Variants in RELN observed in about 807,000 individuals in gnomAD.
The protein encoded by RELN is reelin.
Under a neutral mutation model 427.6 loss-of-function variants are expected in RELN, and 108 were observed. The observed-to-expected ratio is 0.25, with a 90% confidence interval of 0.22 to 0.30. The LOEUF is 0.30. RELN is among the 10% of genes least tolerant of loss of function. The pLI is 1.00. For synonymous variants in RELN, 1,524 were observed against 1,513.4 expected (o/e 1.01, Z -0.16); for missense variants, 3,715 against 4,302.8 (o/e 0.86, Z 3.82).
At chr7:103,984,851 C>T (rs565392614) in intron 1 of RELN, among the ~76,000 whole-genome samples, 1 of 152,254 alleles carries the variant, frequency 6.6e-6, no homozygotes, top group South Asian at 2.1e-4. Context: ...TGGCAAATTA[C>T]TTTATTTCAA....
intron 1 of RELN, among the ~76,000 whole-genome samples, chr7:103,941,127 A>G (rs1796105425): frequency 6.6e-6 from 1 of 151,982 alleles, no homozygotes; most frequent in Non-Finnish European, 1.5e-5. Flanking sequence ...CTGACACGAG[A>G]CTGGTACAAT....
chr7:103,624,051 C>T (rs1488427908), intron 20 of RELN, among the ~76,000 whole-genome samples: 2 of 152,128 alleles, frequency 1.3e-5, no homozygotes, highest in African/African-American at 4.8e-5. Context: ...GTACTATTTT[C>T]TAGCTCTTAT....
intron 4 of RELN, among the ~76,000 whole-genome samples, chr7:103,757,523 T>C (rs962182602): frequency 3.3e-5 from 5 of 152,138 alleles, no homozygotes; most frequent in African/African-American, 1.2e-4. Context: ...CGACATAAAA[T>C]TGTCAAATGG....
At chr7:103,609,438 T>C (rs1349619385) in intron 22 of RELN, among the ~76,000 whole-genome samples, 2 of 152,118 alleles carry the variant, frequency 1.3e-5, no homozygotes, top group South Asian at 2.1e-4. Flanking sequence ...TGGAATACCA[T>C]TGAAATTAAA....
chr7:103,813,113 T>C (rs965844995), intron 3 of RELN, among the ~76,000 whole-genome samples: 13 of 152,200 alleles, frequency 8.5e-5, no homozygotes, highest in African/African-American at 3.1e-4. Flanking sequence ...ATGAGGATGT[T>C]AATGTAGATA....
intron 1 of RELN, among the ~76,000 whole-genome samples, chr7:103,920,002 C>A (rs1157975316): frequency 6.6e-6 from 1 of 152,146 alleles, no homozygotes; most frequent in Non-Finnish European, 1.5e-5. Context: ...GATAAAACTG[C>A]TGTCTACTAT....
chr7:103,483,577 C>A, intron 62 of RELN, 76 bp downstream of exon 62: 1 of 1,493,946 alleles, frequency 6.7e-7, no homozygotes, highest in Non-Finnish European at 9.3e-7. Context: ...CCAACTTCTA[C>A]CTCAAACTTT....
At chr7:103,702,957 C>G (rs1834124524) in intron 8 of RELN, among the ~76,000 whole-genome samples, 1 of 152,194 alleles carries the variant, frequency 6.6e-6, no homozygotes, top group Non-Finnish European at 1.5e-5. Context: ...ACAGTTCCTA[C>G]AGATCAAATG....
At chr7:103,905,754 G>A (rs1795190385) in intron 2 of RELN, among the ~76,000 whole-genome samples, 1 of 145,938 alleles carries the variant, frequency 6.9e-6, no homozygotes, top group Non-Finnish European at 1.5e-5. Context: ...TGTCTTCGAA[G>A]AGACTTAAAG....
intron 25 of RELN, 134 bp downstream of exon 25, chr7:103,596,322 G>C (rs910115764): frequency 1.3e-6 from 1 of 749,164 alleles, no homozygotes; most frequent in Non-Finnish European, 2.4e-6. Context: ...TTTATATACT[G>C]GGCTATCATT....
At chr7:103,700,695 T>C (rs1834071238) in intron 9 of RELN, among the ~76,000 whole-genome samples, 1 of 152,164 alleles carries the variant, frequency 6.6e-6, no homozygotes, top group African/African-American at 2.4e-5. Flanking sequence ...TAAGTACTGC[T>C]GATGGGAGGA....
At chr7:103,933,817 C>A (rs1264079135) in intron 1 of RELN, among the ~76,000 whole-genome samples, 1 of 152,124 alleles carries the variant, frequency 6.6e-6, no homozygotes. Flanking sequence ...AACCACGTGG[C>A]CTCATGCAGA....
chr7:103,621,453 A>G (rs1304832156), intron 20 of RELN, among the ~76,000 whole-genome samples: 1 of 152,190 alleles, frequency 6.6e-6, no homozygotes, highest in Non-Finnish European at 1.5e-5. Context: ...GACTTTTCCC[A>G]GTCTCCTGGA....
chr7:103,891,719 T>C (rs1345919605), intron 2 of RELN, among the ~76,000 whole-genome samples: 3 of 152,166 alleles, frequency 2.0e-5, no homozygotes, highest in Admixed American at 1.3e-4. Context: ...CCTTATCTCA[T>C]GTTACTATCT....
In RELN at chr7:103,472,318, A is replaced by C. The variant is rs544111702; in HGVS notation, c.*494T>G. ...AAATTCAGCAGCAAAATATTACAAC[A>C]TAACAAGTAAATACAGTTTCAATGT... is the stretch of plus-strand genomic sequence containing the variant. On this transcript the variant is annotated 3_prime_UTR_variant, in exon 65 of 65. Transcript: ENST00000428762. 6.0e-6 allele frequency: 1 copy of C among 167,986 alleles called. No homozygotes were observed. The highest frequency in any genetic ancestry group is 1.3e-5 in the Non-Finnish European group (1 of 76,596). The allele number at this position is 167,986 out of a possible 1,614,324, so 10.4% of individuals were successfully genotyped here.
intron 2 of RELN, among the ~76,000 whole-genome samples, chr7:103,841,171 T>A (rs1232236387): frequency 6.6e-6 from 1 of 152,196 alleles, no homozygotes; most frequent in African/African-American, 2.4e-5. Context: ...AGTTGACAAC[T>A]TTTTTGAGTA....
rs1827879388 is a variant in RELN, at chr7:103,472,125, A to G, written c.*687T>C. ...TTTGTGGGAGATAGGGTCTTCATCC[A>G]CAATTTAAAGTAGAAAATATTTCAG... is the stretch of plus-strand genomic sequence containing the variant. On this transcript the variant is annotated 3_prime_UTR_variant, in exon 65 of 65. Transcript: ENST00000428762. 6.6e-6 allele frequency: 1 copy of G among 152,552 alleles called. No individual in the cohort carries two copies. Among genetic ancestry groups the G allele is most frequent in the Admixed American group, 6.5e-5 (1 of 15,280 alleles). 9.4% of individuals were successfully genotyped at this position (152,552 alleles called of 1,614,324 possible).
At chr7:103,506,836 G>A (rs1562859567) in intron 51 of RELN, among the ~76,000 whole-genome samples, 2 of 152,186 alleles carry the variant, frequency 1.3e-5, no homozygotes, top group African/African-American at 4.8e-5. Context: ...AGGGATGGAG[G>A]AATATTTATC....
intron 2 of RELN, among the ~76,000 whole-genome samples, chr7:103,905,199 T>C (rs1237231012): frequency 6.6e-6 from 1 of 151,906 alleles, no homozygotes; most frequent in South Asian, 2.1e-4. Context: ...CAGGCTAGTC[T>C]CAAACTCCTG....
Sources: allele counts gnomAD v4.1 joint callset (sites outside exome capture counted in the v4.1 genomes callset), GRCh38; gene constraint gnomAD v4.1.1; transcripts MANE v1.5; gene names NCBI Gene and HGNC (gene_info 2026-07-23, HGNC 2026-07-21).